The following FGF14 variants were observed in gnomAD, a reference collection of about 807,000 sequenced individuals.
FGF14 encodes fibroblast growth factor homologous factor 4.
A neutral mutation model predicts 25.5 loss-of-function variants in FGF14; 5 were observed. The observed-to-expected ratio is 0.20, with a 90% CI of 0.10 to 0.41. The LOEUF (loss-of-function observed/expected upper bound fraction) is 0.41. FGF14 is among the 10% of genes least tolerant of loss of function. The pLI is 1.00. For missense variants in FGF14, 222 were observed against 320.1 expected (o/e 0.69, Z 2.34); for synonymous variants, 138 against 118.3 (o/e 1.17, Z -1.08).
chr13:102,221,476 C>A (rs1207776404), intron 1 of FGF14, among the ~76,000 whole-genome samples: 1 of 152,136 alleles, frequency 6.6e-6, no homozygotes, highest in Non-Finnish European at 1.5e-5. Flanking sequence ...AAGCTAGAAT[C>A]CTGTCCTTAA....
At chr13:101,927,825 A>G (rs1423499828) in intron 1 of FGF14, among the ~76,000 whole-genome samples, 1 of 152,116 alleles carries the variant, frequency 6.6e-6, no homozygotes, top group Non-Finnish European at 1.5e-5. Flanking sequence ...CCACCTCCCC[A>G]GAGCCTGGAG....
At chr13:102,091,650 G>A (rs756353956) in intron 1 of FGF14, among the ~76,000 whole-genome samples, 5 of 152,090 alleles carry the variant, frequency 3.3e-5, no homozygotes, top group Admixed American at 6.5e-5. Flanking sequence ...AGCACCAGCC[G>A]AGCCACGCCT....
chr13:102,117,368 C>T (rs914440432), intron 1 of FGF14, among the ~76,000 whole-genome samples: 1 of 152,262 alleles, frequency 6.6e-6, no homozygotes, highest in African/African-American at 2.4e-5. Context: ...GCCTGTCATA[C>T]CTGAAACACA....
At chr13:101,799,077 A>C (rs781585034) in intron 3 of FGF14, among the ~76,000 whole-genome samples, 2 of 152,176 alleles carry the variant, frequency 1.3e-5, no homozygotes, top group Non-Finnish European at 2.9e-5. Flanking sequence ...GCTGCATACG[A>C]ATGACTTCCA....
chr13:102,341,857 A>G (rs988675121), intron 1 of FGF14, among the ~76,000 whole-genome samples: 1 of 152,178 alleles, frequency 6.6e-6, no homozygotes, highest in South Asian at 2.1e-4. Flanking sequence ...AAGGATTCCC[A>G]AGACTATTTG....
At chr13:101,930,533 G>T (rs189536753) in intron 1 of FGF14, among the ~76,000 whole-genome samples, 1 of 152,144 alleles carries the variant, frequency 6.6e-6, no homozygotes, top group East Asian at 1.9e-4. Flanking sequence ...CAATCATTCA[G>T]CGATTTTCTT....
chr13:101,801,053 G>T (rs1251433220), intron 3 of FGF14, among the ~76,000 whole-genome samples: 10 of 152,140 alleles, frequency 6.6e-5, no homozygotes, highest in Non-Finnish European at 1.2e-4. Context: ...CTGAGTGAGG[G>T]ACAGCTACCT....
At chr13:102,379,247 A>G (rs1437924844) in intron 1 of FGF14, among the ~76,000 whole-genome samples, 1 of 152,120 alleles carries the variant, frequency 6.6e-6, no homozygotes, top group African/African-American at 2.4e-5. Flanking sequence ...ACATACCACT[A>G]TTATTTTCAA....
rs1189017884 is a variant in FGF14 at position 101,717,115 on chromosome 13, A to T, written c.*5716T>A. On this transcript the variant is annotated 3_prime_UTR_variant, in exon 5 of 5. Coordinates refer to ENST00000376143, the MANE Select transcript of FGF14 (RefSeq NM_004115.4). Reference sequence around the variant, plus strand: ...TTTAAGATGAAAATTTTTACTTGGAAATTTTATTTTAATGATGTAAATATT... The same window carrying T: ...TTTAAGATGAAAATTTTTACTTGGATATTTTATTTTAATGATGTAAATATT... 6.6e-6 allele frequency: 1 copy of T among 152,134 alleles called. No individual in the cohort carries two copies. The highest frequency in any genetic ancestry group is 1.5e-5 in the Non-Finnish European group (1 of 68,004). 9.4% of individuals were successfully genotyped at this position (152,134 alleles called of 1,614,324 possible). A position where few individuals can be genotyped will look rare whatever the true frequency, so the allele number is the denominator to read the frequency against.
At chr13:101,763,487 G>A (rs959775074) in intron 3 of FGF14, among the ~76,000 whole-genome samples, 1 of 152,228 alleles carries the variant, frequency 6.6e-6, no homozygotes, top group African/African-American at 2.4e-5. Context: ...AACTTTGTGT[G>A]TGGAGACATC....
chr13:101,907,976 T>C (rs2032452855), intron 1 of FGF14, among the ~76,000 whole-genome samples: 1 of 152,136 alleles, frequency 6.6e-6, no homozygotes, highest in African/African-American at 2.4e-5. Context: ...CAGATAGACT[T>C]ATAAAAGCAG....
chr13:102,160,189 AG>A (rs920799838), intron 1 of FGF14, among the ~76,000 whole-genome samples: 14 of 152,284 alleles, frequency 9.2e-5, no homozygotes, highest in African/African-American at 3.4e-4. Context: ...AGGTAATCAA[AG>A]ACAGCACATG....
chr13:102,298,250 A>G (rs1396710551), intron 1 of FGF14, among the ~76,000 whole-genome samples: 1 of 152,172 alleles, frequency 6.6e-6, no homozygotes, highest in African/African-American at 2.4e-5. Context: ...TAAAAACACC[A>G]AAATTAGAAA....
At chr13:102,195,694 A>C (rs1345399715) in intron 1 of FGF14, among the ~76,000 whole-genome samples, 1 of 150,548 alleles carries the variant, frequency 6.6e-6, no homozygotes, top group East Asian at 2.0e-4. Context: ...TTGGAGGCTG[A>C]GGCTGGTGGA....
intron 1 of FGF14, among the ~76,000 whole-genome samples, chr13:102,212,410 A>T (rs1022644997): frequency 6.6e-6 from 1 of 152,036 alleles, no homozygotes; most frequent in Non-Finnish European, 1.5e-5. Flanking sequence ...TCTGAACCTG[A>T]ATCCCCCTGA....
chr13:102,323,061 AG>A (rs1185964250), intron 1 of FGF14, among the ~76,000 whole-genome samples: 5 of 152,180 alleles, frequency 3.3e-5, no homozygotes, highest in African/African-American at 4.8e-5. Context: ...CTGCTCATAA[AG>A]TAAATTTGGT....
intron 1 of FGF14, among the ~76,000 whole-genome samples, chr13:102,208,889 A>T (rs968025958): frequency 1.3e-5 from 2 of 152,240 alleles, no homozygotes; most frequent in Admixed American, 6.5e-5. Context: ...ACTAGCAAAA[A>T]TAACCACAAT....
intron 1 of FGF14, among the ~76,000 whole-genome samples, chr13:101,904,120 C>T (rs753761772): frequency 2.1e-4 from 32 of 152,282 alleles, no homozygotes; most frequent in Non-Finnish European, 3.1e-4. Context: ...TTGTCTTGTT[C>T]AATGGGTTCA....
intron 1 of FGF14, among the ~76,000 whole-genome samples, chr13:102,201,489 T>A (rs2049647263): frequency 6.6e-6 from 1 of 152,122 alleles, no homozygotes; most frequent in African/African-American, 2.4e-5. Context: ...CTGAAAAAAT[T>A]CTCTGAGGTG....
Sources: allele counts gnomAD v4.1 joint callset (sites outside exome capture counted in the v4.1 genomes callset), GRCh38; gene constraint gnomAD v4.1.1; transcripts MANE v1.5; gene names NCBI Gene and HGNC (gene_info 2026-07-23, HGNC 2026-07-21).